The following OMA1 variants were observed in gnomAD, a reference collection of about 807,000 sequenced individuals.
OMA1 encodes the protein OMA1 zinc metallopeptidase.
A neutral mutation model predicts 30.9 loss-of-function variants in OMA1; 38 were observed. That is an observed-to-expected ratio of 1.23 (90% CI 0.95 to 1.61). The LOEUF is 1.61. OMA1 is among the 40% of genes most tolerant of loss of function. The pLI is 0.00. For synonymous variants in OMA1, 173 were observed against 121.9 expected (o/e 1.42, Z -2.76); for missense variants, 461 against 349.2 (o/e 1.32, Z -2.55).
intron 7 of OMA1, among the ~76,000 whole-genome samples, chr1:58,518,570 A>C (rs1363718155): frequency 6.6e-6 from 1 of 151,808 alleles, no homozygotes; most frequent in Non-Finnish European, 1.5e-5. Context: ...TATTTTATAG[A>C]TAGAACTGCC....
At chr1:58,504,230 G>A (rs1181816543) in intron 8 of OMA1, among the ~76,000 whole-genome samples, 1 of 152,196 alleles carries the variant, frequency 6.6e-6, no homozygotes, top group Non-Finnish European at 1.5e-5. Context: ...TGCGTGGTCT[G>A]GTCCCCTTTC....
intron 7 of OMA1, among the ~76,000 whole-genome samples, chr1:58,519,112 C>T (rs554763127): frequency 1.3e-5 from 2 of 152,212 alleles, no homozygotes; most frequent in South Asian, 2.1e-4. Flanking sequence ...TATTTGACTT[C>T]CAAGAAAGAA....
intron 1 of OMA1, among the ~76,000 whole-genome samples, chr1:58,541,114 T>C (rs974082290): frequency 8.7e-4 from 3 of 3,464 alleles, no homozygotes; most frequent in Non-Finnish European, 4.5e-3. Context: ...ATTCGAGGCG[T>C]GAAACCCCGT....
rs770204533 is a variant in OMA1 at position 58,530,624 on chromosome 1, A to G, written c.1117T>C (p.Trp373Arg). ...PRDSLALLCQ[W>R]IQSKLQEYMF... is the part of the protein sequence containing the mutation. ...ACCTCCTGCAATTTAGACTGTATCC[A>G]CTGGCACAAAAGTGCCAAGCTATCT... Residue 373 changes from tryptophan (W) to arginine (R), a missense_variant, in exon 6 of 9, where the codon TGG (tryptophan) becomes CGG (arginine). By Grantham distance (101) the Trp-to-Arg change is moderately radical. Coordinates refer to ENST00000371226, the MANE Select transcript of OMA1 (RefSeq NM_145243.5). The G allele has an allele frequency of 4.6e-6, 4 of 872,616 alleles. No homozygotes were observed. Among genetic ancestry groups the G allele is most frequent in the Non-Finnish European group, 8.0e-6 (4 of 501,544 alleles). 54.1% of individuals were successfully genotyped at this position (872,616 alleles called of 1,614,324 possible). A position where few individuals can be genotyped will look rare whatever the true frequency, so the allele number is the denominator to read the frequency against.
intron 1 of OMA1, among the ~76,000 whole-genome samples, chr1:58,544,053 A>G (rs187083758): frequency 1.1e-4 from 16 of 152,368 alleles, no homozygotes; most frequent in African/African-American, 3.8e-4. Flanking sequence ...ATGTGAATGC[A>G]GATTCATGAC....
At chr1:58,494,117 G>A (rs1645750839) in intron 8 of OMA1, among the ~76,000 whole-genome samples, 2 of 152,154 alleles carry the variant, frequency 1.3e-5, no homozygotes, top group African/African-American at 2.4e-5. Context: ...AATGCCACAT[G>A]TCTACAACTA....
intron 8 of OMA1, among the ~76,000 whole-genome samples, chr1:58,490,112 GAGA>G (rs1557438238): frequency 6.6e-6 from 1 of 152,250 alleles, no homozygotes; most frequent in Non-Finnish European, 1.5e-5. Context: ...GACGAGTTGA[GAGA>G]AGAATGCTTC....
At chr1:58,510,851 T>G (rs1032266253) in intron 7 of OMA1, among the ~76,000 whole-genome samples, 3 of 151,798 alleles carry the variant, frequency 2.0e-5, no homozygotes, top group African/African-American at 7.3e-5. Flanking sequence ...AAACAGGAAA[T>G]TAAGAAACAA....
chr1:58,508,876 T>G (rs1184159311), intron 7 of OMA1, among the ~76,000 whole-genome samples: 2 of 150,728 alleles, frequency 1.3e-5, no homozygotes, highest in African/African-American at 2.5e-5. Context: ...GTGTCCAACA[T>G]TCTAACATTT....
rs112716574 is a variant in OMA1 at position 58,492,412 on chromosome 1, G to A, written c.1366-11238C>T. 2.7e-4 allele frequency among the ~76,000 whole-genome samples: 41 copies of A among 149,880 alleles called. No homozygotes were observed. The South Asian group carries it at 5.9e-3, about 22-fold the overall frequency. On this transcript the variant is annotated intron_variant, in intron 8 of 8. Coordinates refer to ENST00000371226, the MANE Select transcript of OMA1 (RefSeq NM_145243.5). ...TAGCAGAAGGCAAGAAAATAACTAAGATCAGAGCAGAACTGAAGGAAATAG... is the reference window on the plus strand; with the variant it reads ...TAGCAGAAGGCAAGAAAATAACTAAAATCAGAGCAGAACTGAAGGAAATAG...
rs761388062 is a variant in OMA1, at chr1:58,538,850, G to A, written c.445C>T (p.Leu149Phe). Residue 149 changes from leucine (L) to phenylalanine (F), a missense_variant, in exon 2 of 9, where the codon CTC (leucine) becomes TTC (phenylalanine). By Grantham distance (22) the Leu-to-Phe change is conservative. Coordinates refer to ENST00000371226, the MANE Select transcript of OMA1 (RefSeq NM_145243.5). ...SPRFQAAPVP[L>F]LLMILKPVQK... ...ACTGGTTTAAGAATCATCAACAAGA[G>A]AGGAACCGGAGCAGCTTGAAACCGT... The A allele has an allele frequency of 3.4e-6, 3 of 869,894 alleles. No individual in the cohort carries two copies. Among genetic ancestry groups the A allele is most frequent in the Middle Eastern group, 4.4e-4 (2 of 4,580 alleles). 53.9% of individuals were successfully genotyped at this position (869,894 alleles called of 1,614,324 possible).
At chr1:58,486,402 T>C (rs912741030) in intron 8 of OMA1, among the ~76,000 whole-genome samples, 1 of 152,228 alleles carries the variant, frequency 6.6e-6, no homozygotes, top group Non-Finnish European at 1.5e-5. Flanking sequence ...ACCATCTTTC[T>C]CCCGTTACCA....
chr1:58,536,785 C>A, intron 2 of OMA1, 44 bp from the exon 3 acceptor site: 1 of 840,506 alleles, frequency 1.2e-6, no homozygotes, highest in South Asian at 1.4e-5. Context: ...ATCATTCCAG[C>A]ACATATCACT....
At chr1:58,494,021 T>A (rs1645748670) in intron 8 of OMA1, among the ~76,000 whole-genome samples, 1 of 151,654 alleles carries the variant, frequency 6.6e-6, no homozygotes, top group Non-Finnish European at 1.5e-5. Context: ...CAAACTATAC[T>A]ACAAGGCTAC....
intron 8 of OMA1, among the ~76,000 whole-genome samples, chr1:58,504,690 C>T (rs1645959122): frequency 6.6e-6 from 1 of 152,172 alleles, no homozygotes; most frequent in Non-Finnish European, 1.5e-5. Context: ...TATCGATCTA[C>T]CTAATGAATG....
chr1:58,514,793 A>G (rs1292250338), intron 7 of OMA1, among the ~76,000 whole-genome samples: 2 of 152,186 alleles, frequency 1.3e-5, no homozygotes, highest in Non-Finnish European at 2.9e-5. Context: ...CAGAAAACCA[A>G]AATTGTTTCC....
At chr1:58,542,452 T>C (rs1026029223) in intron 1 of OMA1, 3 of 152,178 alleles carry the variant, frequency 2.0e-5, no homozygotes, top group Non-Finnish European at 2.9e-5. Flanking sequence ...TATTAGGGGA[T>C]AATAAAATTC....
intron 8 of OMA1, among the ~76,000 whole-genome samples, chr1:58,498,241 T>TA (rs56349030): frequency 1.4e-3 from 199 of 143,588 alleles, no homozygotes; most frequent in African/African-American, 2.3e-3. Flanking sequence ...AACTAAAAGT[T>TA]AAAAAAAAAA....
chr1:58,524,083 T>C (rs893760991), intron 7 of OMA1, among the ~76,000 whole-genome samples: 1 of 152,214 alleles, frequency 6.6e-6, no homozygotes, highest in African/African-American at 2.4e-5. Flanking sequence ...TTACCAGCTT[T>C]ATAGATAAGG....
Sources: allele counts gnomAD v4.1 joint callset (sites outside exome capture counted in the v4.1 genomes callset), GRCh38; gene constraint gnomAD v4.1.1; transcripts MANE v1.5; gene names NCBI Gene and HGNC (gene_info 2026-07-23, HGNC 2026-07-21).